Variants in SLC25A21 observed in about 807,000 individuals in gnomAD.
SLC25A21 encodes mitochondrial 2-oxodicarboxylate carrier.
A neutral mutation model predicts 43.8 loss-of-function variants in SLC25A21; 47 were observed. The observed-to-expected ratio is 1.07, with a 90% CI of 0.85 to 1.37. The LOEUF (loss-of-function observed/expected upper bound fraction) is 1.37, where lower values mean the gene tolerates loss of function less well. Among genes scored for constraint, SLC25A21 ranks in the 40% most tolerant of loss-of-function variants. The pLI is 0.00. For missense variants in SLC25A21, 352 were observed against 350.2 expected (o/e 1.00, Z -0.04); for synonymous variants, 131 against 121.3 (o/e 1.08, Z -0.52).
At chr14:37,045,160 A>T (rs1176481192) in intron 1 of SLC25A21, among the ~76,000 whole-genome samples, 1 of 152,212 alleles carries the variant, frequency 6.6e-6, no homozygotes, top group Admixed American at 6.5e-5. Flanking sequence ...ATTCTAAAAT[A>T]TATCAGTATT....
At chr14:36,722,197 A>T (rs779158839) in intron 6 of SLC25A21, among the ~76,000 whole-genome samples, 1 of 152,360 alleles carries the variant, frequency 6.6e-6, no homozygotes, top group Non-Finnish European at 1.5e-5. Context: ...AATATCTCAT[A>T]TAATTTTTAT....
chr14:36,992,447 G>T (rs1376533025), intron 1 of SLC25A21, among the ~76,000 whole-genome samples: 2 of 151,978 alleles, frequency 1.3e-5, no homozygotes, highest in Admixed American at 1.3e-4. Flanking sequence ...TTTTTTTAAA[G>T]AATAGCACTG....
At chr14:36,924,918 TA>T (rs1892088358) in intron 1 of SLC25A21, among the ~76,000 whole-genome samples, 1 of 152,164 alleles carries the variant, frequency 6.6e-6, no homozygotes, top group African/African-American at 2.4e-5. Context: ...CAGACTTTAG[TA>T]TCCATGTGGT....
intron 1 of SLC25A21, among the ~76,000 whole-genome samples, chr14:37,034,879 G>C (rs1961295108): frequency 6.6e-6 from 1 of 152,218 alleles, no homozygotes; most frequent in African/African-American, 2.4e-5. Context: ...CCACAGAAAG[G>C]GCCTAACCGT....
At chr14:36,912,694 C>A (rs1482034919) in intron 1 of SLC25A21, among the ~76,000 whole-genome samples, 1 of 152,104 alleles carries the variant, frequency 6.6e-6, no homozygotes, top group African/African-American at 2.4e-5. Flanking sequence ...TAAAAGTTTG[C>A]CCAAGTGTTA....
intron 1 of SLC25A21, among the ~76,000 whole-genome samples, chr14:36,972,351 C>A (rs1959770538): frequency 6.6e-6 from 1 of 152,176 alleles, no homozygotes; most frequent in African/African-American, 2.4e-5. Flanking sequence ...TATTTCAATA[C>A]ATACATATTT....
At chr14:37,129,233 A>G (rs762265355) in intron 1 of SLC25A21, among the ~76,000 whole-genome samples, 5 of 152,118 alleles carry the variant, frequency 3.3e-5, no homozygotes, top group African/African-American at 4.8e-5. Context: ...TAACAGCTAT[A>G]CTCCACAGTC....
chr14:36,774,783 G>C (rs975701271), intron 3 of SLC25A21, among the ~76,000 whole-genome samples: 4 of 152,088 alleles, frequency 2.6e-5, no homozygotes, highest in African/African-American at 9.7e-5. Flanking sequence ...TCAGGCTGTA[G>C]AGACTCTTTT....
At chr14:36,823,580 A>G (rs1594619170) in intron 2 of SLC25A21, among the ~76,000 whole-genome samples, 1 of 152,320 alleles carries the variant, frequency 6.6e-6, no homozygotes, top group South Asian at 2.1e-4. Context: ...TATTTGGGAA[A>G]TGGGGGAAGG....
intron 7 of SLC25A21, among the ~76,000 whole-genome samples, chr14:36,690,992 G>C (rs762991605): frequency 2.6e-5 from 4 of 152,190 alleles, no homozygotes; most frequent in Non-Finnish European, 4.4e-5. Context: ...CTCACTCTGA[G>C]TCAGGTACTG....
chr14:36,798,833 A>AT (rs1376234720), intron 3 of SLC25A21, among the ~76,000 whole-genome samples: 43 of 152,170 alleles, frequency 2.8e-4, no homozygotes, highest in African/African-American at 4.8e-5. Flanking sequence ...GTCCAGCATT[A>AT]CAAAAGGAGG....
At chr14:36,893,679 C>A (rs958752340) in intron 1 of SLC25A21, among the ~76,000 whole-genome samples, 2 of 152,106 alleles carry the variant, frequency 1.3e-5, no homozygotes, top group Admixed American at 6.5e-5. Context: ...GGTTTTAGGT[C>A]TAACATTTAA....
chr14:36,881,368 C>T (rs967556235), intron 1 of SLC25A21, among the ~76,000 whole-genome samples: 1 of 150,500 alleles, frequency 6.6e-6, no homozygotes, highest in Non-Finnish European at 1.5e-5. Context: ...TGTGTGTGTA[C>T]ACATGAGGAA....
At chr14:36,835,980 C>G (rs1889194931) in intron 2 of SLC25A21, among the ~76,000 whole-genome samples, 1 of 152,192 alleles carries the variant, frequency 6.6e-6, no homozygotes, top group Non-Finnish European at 1.5e-5. Flanking sequence ...CAGAGTTGGA[C>G]CAAATATCTT....
intron 1 of SLC25A21, among the ~76,000 whole-genome samples, chr14:37,152,506 A>G (rs1419365353): frequency 6.6e-6 from 1 of 151,168 alleles, no homozygotes; most frequent in Non-Finnish European, 1.5e-5. Context: ...CAGCCTCCTG[A>G]CTAGCTGGGA....
chr14:36,941,043 G>T (rs888314147), intron 1 of SLC25A21, among the ~76,000 whole-genome samples: 4 of 151,934 alleles, frequency 2.6e-5, no homozygotes, highest in Admixed American at 6.6e-5. Flanking sequence ...GGAAGTAAAA[G>T]AATTATGCAG....
intron 1 of SLC25A21, among the ~76,000 whole-genome samples, chr14:36,926,545 C>T (rs1322545549): frequency 6.6e-6 from 1 of 151,934 alleles, no homozygotes; most frequent in African/African-American, 2.4e-5. Flanking sequence ...TCTTAAGATG[C>T]CAAATAGCAA....
At chr14:37,128,572 G>GTGTGTGTT (rs1963338684) in intron 1 of SLC25A21, among the ~76,000 whole-genome samples, 1 of 150,272 alleles carries the variant, frequency 6.7e-6, no homozygotes, top group Non-Finnish European at 1.5e-5. Context: ...GTGTGTGTGT[G>GTGTGTGTT]TGTGTGCATT....
intron 3 of SLC25A21, among the ~76,000 whole-genome samples, chr14:36,754,863 T>C (rs553201854): frequency 3.3e-5 from 5 of 152,222 alleles, no homozygotes; most frequent in Non-Finnish European, 5.9e-5. Context: ...GCATTTTCAC[T>C]GCCAGTAGCA....
Sources: gnomAD v4.1 joint callset for allele counts (sites outside exome capture counted in the v4.1 genomes callset) on GRCh38, gnomAD v4.1.1 for gene constraint, MANE v1.5 for transcripts, NCBI Gene and HGNC (gene_info 2026-07-23, HGNC 2026-07-21) for gene names.